The following RPL18A variants were observed in gnomAD, a reference collection of about 807,000 sequenced individuals.
RPL18A encodes the protein ribosomal protein L18a, also known as large ribosomal subunit protein eL20.
For missense variants in RPL18A, 163 were observed against 254.1 expected (o/e 0.64, Z 2.44); for synonymous variants, 122 against 96.9 (o/e 1.26, Z -1.52).
intron 3 of RPL18A, 154 bp downstream of exon 3, chr19:17,862,377 C>A (rs2094279033): frequency 1.1e-6 from 1 of 909,886 alleles, no homozygotes; most frequent in Non-Finnish European, 1.7e-6. Context: ...CCAGATGGCG[C>A]TTTTCTGAGA....
chr19:17,862,986 G>C lies in RPL18A; in HGVS notation c.397G>C (p.Ala133Pro). 4 of 1,612,406 alleles carry C rather than the reference G, an allele frequency of 2.5e-6. No individual in the cohort carries two copies. The highest frequency in any genetic ancestry group is 1.7e-6 in the Non-Finnish European group (2 of 1,179,608). Reference sequence around the variant, plus strand: ...TCAGATCATGAAGGTGGAGGAGATCGCGGCCAGCAAGTGCCGCCGGCCGGC... The same window carrying C: ...TCAGATCATGAAGGTGGAGGAGATCCCGGCCAGCAAGTGCCGCCGGCCGGC... Reference protein sequence around the residue: ...SIQIMKVEEIAASKCRRPAVK... With the variant: ...SIQIMKVEEIPASKCRRPAVK... The change falls in exon 4 of 5, where the codon GCG becomes CCG. Residue 133 changes from alanine (A) to proline (P), a missense_variant. Transcript: ENST00000222247.
intron 3 of RPL18A, chr19:17,862,578 C>T (rs746795926): frequency 1.4e-6 from 1 of 702,438 alleles, no homozygotes; most frequent in Non-Finnish European, 2.6e-6. Flanking sequence ...GAGACCCCCA[C>T]ACCTCCCTGA....
At chr19:17,861,627 G>T in intron 2 of RPL18A, 155 bp downstream of exon 2, 3 of 652,176 alleles carry the variant, frequency 4.6e-6, no homozygotes, top group Non-Finnish European at 7.8e-6. Flanking sequence ...TTGTGTTTCT[G>T]CCTGGGTCAC....
intron 1 of RPL18A, 108 bp from the exon 2 acceptor site, chr19:17,861,185 C>T (rs982435721): frequency 1.9e-6 from 2 of 1,039,348 alleles, no homozygotes; most frequent in East Asian, 2.6e-5. Flanking sequence ...GGTGGCCCTG[C>T]CTCCTGCTTC....
Position 17,860,860 on chromosome 19 carries a change from G to T in RPL18A, c.19-433G>T, listed in dbSNP as rs375471408. 5.8e-5 allele frequency: 11 copies of T among 188,252 alleles called. No homozygotes were observed. The East Asian group carries it at 1.6e-3, about 28-fold the overall frequency. 11.7% of individuals were successfully genotyped at this position (188,252 alleles called of 1,614,324 possible). ...AGACCTGAGGTCTTGTCCTAGTTCT[G>T]CCTGGAATGGGCTGTGAGATCCCAT... On this transcript the variant is annotated intron_variant, in intron 1 of 4. Transcript: ENST00000222247.
chr19:17,861,540 A>G, intron 2 of RPL18A, 68 bp downstream of exon 2: 1 of 1,276,060 alleles, frequency 7.8e-7, no homozygotes, highest in Non-Finnish European at 1.1e-6. Context: ...CGTGCATCTC[A>G]AGAATTAATC....
rs765745815 is a variant in RPL18A at position 17,862,079 on chromosome 19, G to A, written c.199-15G>A. On this transcript the variant is annotated splice_polypyrimidine_tract_variant and intron_variant, in intron 2 of 4. Transcript: ENST00000222247. ...CTTGCTGCTCTCACATCTCCCTGTG[G>A]CCTCTCCTTGGCAGGTGTTTGAGAA... is the stretch of plus-strand genomic sequence containing the variant. The A allele has an allele frequency of 1.9e-6, 3 of 1,610,994 alleles. No homozygotes were observed. Among genetic ancestry groups the A allele is most frequent in the East Asian group, 2.2e-5 (1 of 44,870 alleles).
intron 1 of RPL18A, 108 bp from the exon 2 acceptor site, chr19:17,861,185 C>A: frequency 9.6e-7 from 1 of 1,039,344 alleles, no homozygotes; most frequent in Non-Finnish European, 1.4e-6. Context: ...GGTGGCCCTG[C>A]CTCCTGCTTC....
intron 4 of RPL18A, 37 bp downstream of exon 4, chr19:17,863,064 C>T: frequency 1.3e-6 from 2 of 1,574,606 alleles, no homozygotes; most frequent in Non-Finnish European, 8.7e-7. Flanking sequence ...AGGGAAGTGC[C>T]TGCTCTGACG....
rs11553811 is a variant in RPL18A at position 17,862,111 on chromosome 19, C to A, written c.216C>A (p.Pro72=). The A allele has an allele frequency of 5.0e-6, 8 of 1,612,110 alleles. No individual in the cohort carries two copies. Among genetic ancestry groups the A allele is most frequent in the African/African-American group, 4.0e-5 (3 of 74,972 alleles). Reference sequence around the variant, plus strand: ...CTTGGCAGGTGTTTGAGAAGTCCCCCCTGCGGGTGAAGAACTTCGGGATCT... The same window carrying A: ...CTTGGCAGGTGTTTGAGAAGTCCCCACTGCGGGTGAAGAACTTCGGGATCT... ...VYCGQVFEKS[P]LRVKNFGIWL... Residue 72 remains proline (P), a synonymous_variant, in exon 3 of 5, where the codon CCC becomes CCA. Transcript: ENST00000222247.
In RPL18A at chr19:17,861,394, C is replaced by A; in HGVS notation, c.120C>A (p.Ala40=). The change falls in exon 2 of 5, where the codon GCC becomes GCA. Residue 40 remains alanine, a synonymous_variant. Coordinates refer to ENST00000222247, the MANE Select transcript of RPL18A (RefSeq NM_000980.4). ...MRIFAPNHVV[A]KSRFWYFVSQ... ...TCTTTGCGCCTAATCATGTCGTCGC[C>A]AAGTCCCGCTTCTGGTACTTTGTAT... 6.2e-7 allele frequency: 1 copy of A among 1,611,498 alleles called. No individual in the cohort carries two copies. Among genetic ancestry groups the A allele is most frequent in the Non-Finnish European group, 8.5e-7 (1 of 1,178,528 alleles).
chr19:17,862,983 A>T lies in RPL18A; in HGVS notation c.394A>T (p.Ile132Phe). The T allele has an allele frequency of 6.2e-7, 1 of 1,612,454 alleles. No individual in the cohort carries two copies. The highest frequency in any genetic ancestry group is 8.5e-7 in the Non-Finnish European group (1 of 1,179,690). ...CATTCAGATCATGAAGGTGGAGGAG[A>T]TCGCGGCCAGCAAGTGCCGCCGGCC... ...HSIQIMKVEE[I>F]AASKCRRPAV... is the part of the protein sequence containing the mutation. Residue 132 changes from isoleucine to phenylalanine, a missense_variant, in exon 4 of 5, where the codon ATC becomes TTC. Coordinates refer to ENST00000222247, the MANE Select transcript of RPL18A (RefSeq NM_000980.4).
In RPL18A at chr19:17,861,297, G is replaced by A. The variant is rs780451374; in HGVS notation, c.23G>A (p.Arg8Gln). 12 of 1,613,796 alleles carry A rather than the reference G, an allele frequency of 7.4e-6. No homozygotes were observed. Among genetic ancestry groups the A allele is most frequent in the Non-Finnish European group, 1.0e-5 (12 of 1,179,796 alleles). Residue 8 changes from arginine (R) to glutamine (Q), a missense_variant, in exon 2 of 5, where the codon CGA becomes CAA. Coordinates refer to ENST00000222247, the MANE Select transcript of RPL18A (RefSeq NM_000980.4). The stretch of plus-strand genomic sequence containing the variant: ...CTCACTCCTGTTTCCTTTCAGCTAC[G>A]AGAGTACAAGGTAGTGGGTCGCTGC... MKASGTL[R>Q]EYKVVGRCLP...
In RPL18A at chr19:17,861,729, G is replaced by C; in HGVS notation, c.198+257G>C. 3 of 560,396 alleles carry C rather than the reference G, an allele frequency of 5.4e-6. No individual in the cohort carries two copies. In the South Asian group the frequency reaches 6.7e-5, roughly 13 times the overall value. The allele number at this position is 560,396 out of a possible 1,614,324, so 34.7% of individuals were successfully genotyped here. ...GTGGCATGGTGGGACACCTTGGTTG[G>C]TGCTGTCTTCCCTGGGCCCTGTCTG... On this transcript the variant is annotated intron_variant, in intron 2 of 4. Transcript: ENST00000222247.
chr19:17,861,552 G>C (rs2094277346), intron 2 of RPL18A, 80 bp downstream of exon 2: 2 of 1,152,492 alleles, frequency 1.7e-6, no homozygotes, highest in East Asian at 5.1e-5. Context: ...GAATTAATCA[G>C]ACATCGAACG....
Position 17,862,909 on chromosome 19 carries a change from T to G in RPL18A, c.329-9T>G. The stretch of plus-strand genomic sequence containing the variant: ...AACACCGTCACCCTGGCCCCGCTCC[T>G]TTCCACAGACCGAGACATGGGTGCC... On this transcript the variant is annotated splice_polypyrimidine_tract_variant and intron_variant, in intron 3 of 4. Transcript: ENST00000222247. 2 of 1,605,712 alleles carry G rather than the reference T, an allele frequency of 1.2e-6. No individual in the cohort carries two copies. Among genetic ancestry groups the G allele is most frequent in the East Asian group, 2.2e-5 (1 of 44,828 alleles).
chr19:17,861,747 CCTGT>C (rs1431495722), intron 2 of RPL18A: 1 of 550,374 alleles, frequency 1.8e-6, no homozygotes, highest in Non-Finnish European at 3.2e-6. Context: ...TTCCCTGGGC[CCTGT>C]CTGTTAAGTG....
chr19:17,861,750 G>T (rs1599895752), intron 2 of RPL18A: 1 of 550,166 alleles, frequency 1.8e-6, no homozygotes, highest in East Asian at 3.1e-5. Flanking sequence ...CCTGGGCCCT[G>T]TCTGTTAAGT....
At chr19:17,860,963 T>C (rs1419133345) in intron 1 of RPL18A, 1 of 321,106 alleles carries the variant, frequency 3.1e-6, no homozygotes, top group Non-Finnish European at 5.8e-6. Context: ...TGACGGCGAC[T>C]GCAAAGCAAT....
Sources: allele counts gnomAD v4.1 joint callset, GRCh38; gene constraint gnomAD v4.1.1; transcripts MANE v1.5; gene names NCBI Gene and HGNC (gene_info 2026-07-23, HGNC 2026-07-21).